Variants in NECTIN1 observed in about 807,000 individuals in gnomAD.
The protein encoded by NECTIN1 is nectin-1.
Under a neutral mutation model 48.0 loss-of-function variants are expected in NECTIN1, and 23 were observed. The ratio of observed to expected loss-of-function variants is 0.48; its 90% CI spans 0.34 to 0.68. The LOEUF is 0.68. Among genes scored for constraint, NECTIN1 ranks in the 30% least tolerant of loss-of-function variants. NECTIN1 has a pLI of 0.01. For missense variants in NECTIN1, 591 were observed against 709.9 expected (o/e 0.83, Z 1.90); for synonymous variants, 270 against 288.9 (o/e 0.93, Z 0.66).
intron 1 of NECTIN1, among the ~76,000 whole-genome samples, chr11:119,696,925 C>T (rs1184041050): frequency 1.3e-5 from 2 of 152,142 alleles, no homozygotes; most frequent in African/African-American, 2.4e-5. Context: ...GTCACCTGCA[C>T]AATGCACTAA....
chr11:119,725,926 C>A (rs908443776), intron 1 of NECTIN1, among the ~76,000 whole-genome samples: 1 of 152,196 alleles, frequency 6.6e-6, no homozygotes, highest in African/African-American at 2.4e-5. Context: ...ATGTAACCCA[C>A]CTGCCCCACT....
chr11:119,723,491 G>GC (rs1865865193), intron 1 of NECTIN1, among the ~76,000 whole-genome samples: 1 of 152,198 alleles, frequency 6.6e-6, no homozygotes, highest in Admixed American at 6.5e-5. Context: ...CCCACTAGCT[G>GC]CCCCCGCCTG....
intron 1 of NECTIN1, among the ~76,000 whole-genome samples, chr11:119,714,814 A>T (rs1298036149): frequency 6.6e-6 from 1 of 152,110 alleles, no homozygotes; most frequent in Non-Finnish European, 1.5e-5. Context: ...GCCCACCCAC[A>T]CTGCCTCCTC....
chr11:119,639,899 G>C lies in NECTIN1; in HGVS notation c.1117C>G (p.Gln373Glu), dbSNP rs562428156. Reference sequence around the variant, plus strand: ...TCCGTCTCCGGTGGGCTCTTCTGCTGCCGGTTGTACAGGAAGAAGACAGTG... The same window carrying C: ...TCCGTCTCCGGTGGGCTCTTCTGCTCCCGGTTGTACAGGAAGAAGACAGTG... Residue 373 changes from glutamine to glutamate, a missense_variant, in exon 6 of 8, where the codon CAG (glutamine) becomes GAG (glutamate). Physicochemically the swap from Gln to Glu is conservative, Grantham distance 29. Transcript: ENST00000341398. 13 of 1,614,178 alleles carry C rather than the reference G, an allele frequency of 8.1e-6. No homozygotes were observed. In the South Asian group the frequency reaches 1.4e-4, roughly 18 times the overall value.
chr11:119,669,410 C>CAAAA (rs398045650), intron 5 of NECTIN1, among the ~76,000 whole-genome samples: 1 of 130,130 alleles, frequency 7.7e-6, no homozygotes, highest in African/African-American at 2.8e-5. Context: ...GACTCCGTCT[C>CAAAA]AAAAAAAAAA....
At chr11:119,668,763 A>G (rs1358982085) in intron 5 of NECTIN1, among the ~76,000 whole-genome samples, 1 of 152,246 alleles carries the variant, frequency 6.6e-6, no homozygotes, top group Non-Finnish European at 1.5e-5. Context: ...TATAAATTGC[A>G]AATAAATGCA....
intron 5 of NECTIN1, among the ~76,000 whole-genome samples, chr11:119,648,279 G>GCT (rs1565376417): frequency 1.3e-4 from 7 of 54,096 alleles, no homozygotes; most frequent in East Asian, 1.2e-3. Flanking sequence ...TGGTGGTGAT[G>GCT]GTGGTGGTGA....
At chr11:119,688,950 C>G (rs1453893307) in intron 1 of NECTIN1, among the ~76,000 whole-genome samples, 2 of 151,452 alleles carry the variant, frequency 1.3e-5, no homozygotes, top group African/African-American at 4.9e-5. Context: ...GGGAGGGACA[C>G]AGGGGACATG....
chr11:119,659,429 A>T (rs530960320), downstream of NECTIN1: 2 of 152,260 alleles, frequency 1.3e-5, no homozygotes, highest in African/African-American at 4.8e-5. Flanking sequence ...CCAGGGGGGA[A>T]CTTAGACACT....
At chr11:119,638,739 C>T in exon 7 of NECTIN1, 1 of 1,613,922 alleles carries the variant, frequency 6.2e-7, no homozygotes. Flanking sequence ...ACCTGGATAT[C>T]CTCAGGCACA....
chr11:119,703,658 A>G (rs915899565), intron 1 of NECTIN1, among the ~76,000 whole-genome samples: 17 of 152,186 alleles, frequency 1.1e-4, no homozygotes, highest in Non-Finnish European at 1.8e-4. Context: ...CCCAACAACG[A>G]GGCTGACGCT....
At chr11:119,646,849 T>C (rs1050732146) in intron 5 of NECTIN1, among the ~76,000 whole-genome samples, 5 of 152,222 alleles carry the variant, frequency 3.3e-5, no homozygotes, top group African/African-American at 1.2e-4. Context: ...AACGTTTTCG[T>C]CTGTGAAATG....
At chr11:119,687,389 C>T (rs1865175938) in intron 1 of NECTIN1, 1 of 152,248 alleles carries the variant, frequency 6.6e-6, no homozygotes, top group African/African-American at 2.4e-5. Context: ...GCCCCTCCCA[C>T]CACCGCTGGG....
At chr11:119,708,898 C>T (rs1026995820) in intron 1 of NECTIN1, among the ~76,000 whole-genome samples, 3 of 152,022 alleles carry the variant, frequency 2.0e-5, no homozygotes, top group Non-Finnish European at 4.4e-5. Context: ...GCGTGGGGGC[C>T]CTGGGGTCCC....
chr11:119,705,100 C>T (rs1051491020), intron 1 of NECTIN1, among the ~76,000 whole-genome samples: 3 of 152,218 alleles, frequency 2.0e-5, no homozygotes, highest in Non-Finnish European at 2.9e-5. Context: ...CATCACAGGC[C>T]AGGGTGGAAC....
Position 119,699,359 on chromosome 11 carries a change from C to T in NECTIN1, c.80-20594G>A, listed in dbSNP as rs1865398522. Among the ~76,000 whole-genome samples, 3 of 22,746 alleles carry T rather than the reference C, an allele frequency of 1.3e-4. No individual in the cohort carries two copies. The Admixed American group carries it at 1.7e-3, about 13-fold the overall frequency. The allele number at this position is 22,746 out of a possible 152,430, so 14.9% of individuals were successfully genotyped here. On this transcript the variant is annotated intron_variant, in intron 1 of 5. Coordinates refer to ENST00000264025, the MANE Select transcript of NECTIN1 (RefSeq NM_002855.5). ...GACTGTCCTCAAGGGAACTCTGGGA[C>T]TCTTTCCCACGGCCCCCGGCCAGCA...
rs1485290152 is a variant in NECTIN1, at chr11:119,677,638, C to G, written c.650G>C (p.Arg217Thr). The G allele has an allele frequency of 2.5e-6, 4 of 1,613,968 alleles. No individual in the cohort carries two copies. Among genetic ancestry groups the G allele is most frequent in the Non-Finnish European group, 3.4e-6 (4 of 1,180,028 alleles). The part of the protein sequence containing the change: ...VISRYRLVPS[R>T]EAHQQSLACI... The stretch of plus-strand genomic sequence containing the variant: ...GGCCAAGGACTGCTGGTGGGCTTCC[C>G]TGCTGGGCACCAGGCGGTAGCGGCT... Residue 217 changes from arginine (R) to threonine (T), a missense_variant, in exon 3 of 6, where the codon AGG (arginine) becomes ACG (threonine). Coordinates refer to ENST00000264025, the MANE Select transcript of NECTIN1 (RefSeq NM_002855.5). The surrounding 1 kb of genome is among the most constrained non-coding windows in gnomAD (Gnocchi z 5.4).
intron 5 of NECTIN1, among the ~76,000 whole-genome samples, chr11:119,644,447 C>A (rs1864368252): frequency 1.3e-5 from 2 of 152,194 alleles, no homozygotes; most frequent in Non-Finnish European, 2.9e-5. Context: ...CCAGGCTTCC[C>A]TCAGGGTGGG....
At chr11:119,651,351 A>G (rs1330249878) in intron 5 of NECTIN1, among the ~76,000 whole-genome samples, 3 of 152,050 alleles carry the variant, frequency 2.0e-5, no homozygotes, top group African/African-American at 7.2e-5. Context: ...GTTTTCATTG[A>G]TCAAGCCCCC....
Sources: allele counts gnomAD v4.1 joint callset (sites outside exome capture counted in the v4.1 genomes callset), GRCh38; gene constraint gnomAD v4.1.1; non-coding constraint Gnocchi (gnomAD v3.1); transcripts MANE v1.5; gene names NCBI Gene and HGNC (gene_info 2026-07-23, HGNC 2026-07-21).